Variants in THADA observed in about 807,000 individuals in gnomAD.
THADA encodes the protein tRNA (32-2'-O)-methyltransferase regulator THADA.
THADA carries 213 observed loss-of-function variants against 219.8 expected under a neutral mutation model. That is an observed-to-expected ratio of 0.97 (90% confidence interval 0.87 to 1.09). The LOEUF is 1.09. Ranked by LOEUF, THADA falls within the 50% of genes least tolerant of loss-of-function variation. The pLI is 0.00. For missense variants in THADA, 2,956 were observed against 2,311.3 expected, an observed-to-expected ratio of 1.28 and a Z score of -5.72; for synonymous variants, 1,018 against 828.9, an observed-to-expected ratio of 1.23 and a Z score of -3.92.
intron 29 of THADA, among the ~76,000 whole-genome samples, chr2:43,378,804 C>T (rs1030565593): frequency 6.6e-6 from 1 of 152,126 alleles, no homozygotes; most frequent in Non-Finnish European, 1.5e-5. Context: ...CGGGGTTTCT[C>T]TATGTTGGCC....
intron 28 of THADA, among the ~76,000 whole-genome samples, chr2:43,412,074 T>C (rs1204996783): frequency 6.6e-6 from 1 of 152,188 alleles, no homozygotes; most frequent in African/African-American, 2.4e-5. Context: ...GATGATCAGA[T>C]GATATTTTAT....
chr2:43,299,981 T>C (rs1676060525), intron 31 of THADA, among the ~76,000 whole-genome samples: 1 of 149,432 alleles, frequency 6.7e-6, no homozygotes, highest in African/African-American at 2.5e-5. Flanking sequence ...TGAGCCGAGA[T>C]TGTGCCACTG....
At chr2:43,462,545 G>A (rs943015268) in intron 26 of THADA, among the ~76,000 whole-genome samples, 2 of 152,142 alleles carry the variant, frequency 1.3e-5, no homozygotes, top group Admixed American at 1.3e-4. Context: ...CAGATTCCTA[G>A]AGAAAAGTGA....
At chr2:43,568,127 T>A (rs973357212) in intron 14 of THADA, among the ~76,000 whole-genome samples, 1 of 152,232 alleles carries the variant, frequency 6.6e-6, no homozygotes, top group Non-Finnish European at 1.5e-5. Context: ...ACACAGGTTA[T>A]TGAACTTCAC....
At chr2:43,585,296 G>A (rs2104130324) in intron 7 of THADA, among the ~76,000 whole-genome samples, 1 of 148,030 alleles carries the variant, frequency 6.8e-6, no homozygotes, top group Non-Finnish European at 1.5e-5. Context: ...GATCACTTGA[G>A]CCAATGAGTT....
At chr2:43,502,687 AC>A (rs2105075300) in intron 24 of THADA, among the ~76,000 whole-genome samples, 1 of 152,024 alleles carries the variant, frequency 6.6e-6, no homozygotes, top group African/African-American at 2.4e-5. Context: ...ATCCAAATGT[AC>A]AACCATAAAG....
At chr2:43,250,415 A>G (rs907433078) in intron 36 of THADA, among the ~76,000 whole-genome samples, 24 of 151,274 alleles carry the variant, frequency 1.6e-4, no homozygotes, top group Non-Finnish European at 2.2e-4. Flanking sequence ...GGACTACTTA[A>G]TGGGTACAGG....
chr2:43,500,824 A>G (rs1688857316), intron 24 of THADA, among the ~76,000 whole-genome samples: 1 of 152,210 alleles, frequency 6.6e-6, no homozygotes, highest in South Asian at 2.1e-4. Flanking sequence ...AACAAATCCA[A>G]AAGAATTTAC....
intron 25 of THADA, among the ~76,000 whole-genome samples, chr2:43,497,092 A>G (rs1688358827): frequency 6.6e-6 from 1 of 152,218 alleles, no homozygotes; most frequent in Non-Finnish European, 1.5e-5. Flanking sequence ...GTTGGTGGAA[A>G]TGTAAATTAG....
At chr2:43,329,700 A>G (rs1679736867) in intron 30 of THADA, among the ~76,000 whole-genome samples, 1 of 152,234 alleles carries the variant, frequency 6.6e-6, no homozygotes, top group South Asian at 2.1e-4. Context: ...TCTAGAAAAC[A>G]AATTGTATCT....
In THADA at chr2:43,483,485, C is replaced by A. The variant is rs149794857; in HGVS notation, c.3836+1749G>T. On this transcript the variant is annotated intron_variant, in intron 26 of 37. Transcript: ENST00000405975. ...ACAGAAGCCTTGTACACATAATGGTCCATACCGATCTTCAGATTACTAAAA... is the reference window on the plus strand; with the variant it reads ...ACAGAAGCCTTGTACACATAATGGTACATACCGATCTTCAGATTACTAAAA... 3.0e-3 allele frequency among the ~76,000 whole-genome samples: 451 copies of A among 152,228 alleles called. 4 individuals are homozygous for A. The highest frequency in any genetic ancestry group is 0.01 in the African/African-American group (433 of 41,556).
chr2:43,248,209 A>T (rs112592074), intron 36 of THADA, among the ~76,000 whole-genome samples: 2 of 129,042 alleles, frequency 1.5e-5, no homozygotes, highest in East Asian at 2.5e-4. Context: ...AGAGAGAGAG[A>T]GAGAGACAGA....
At chr2:43,313,591 C>T (rs551120354) in intron 31 of THADA, among the ~76,000 whole-genome samples, 1 of 152,356 alleles carries the variant, frequency 6.6e-6, no homozygotes, top group African/African-American at 2.4e-5. Flanking sequence ...AGCAGTCAAG[C>T]GTGCTCTTTC....
chr2:43,347,405 A>G (rs1478717230), intron 29 of THADA, among the ~76,000 whole-genome samples: 3 of 152,204 alleles, frequency 2.0e-5, no homozygotes, highest in Admixed American at 6.5e-5. Context: ...GACTTTGCAG[A>G]AAGAGTGATA....
chr2:43,481,340 TTTC>T (rs1285749760), intron 26 of THADA, among the ~76,000 whole-genome samples: 4 of 152,218 alleles, frequency 2.6e-5, no homozygotes, highest in Non-Finnish European at 2.9e-5. Flanking sequence ...AGAAACACAT[TTTC>T]TTCTTAAATT....
At chr2:43,376,940 C>A (rs548375279) in intron 29 of THADA, among the ~76,000 whole-genome samples, 1 of 152,116 alleles carries the variant, frequency 6.6e-6, no homozygotes, top group African/African-American at 2.4e-5. Flanking sequence ...GAGTAAGGCA[C>A]GGTCCTCAGC....
intron 36 of THADA, among the ~76,000 whole-genome samples, chr2:43,257,606 A>G (rs1010936992): frequency 3.3e-5 from 5 of 152,210 alleles, no homozygotes. Flanking sequence ...GCATGAGTTC[A>G]TTCCAGATAT....
At position 43,515,037 on chromosome 2, in the gene THADA, TAA is replaced by T. The variant is rs1376949260; in HGVS notation, c.3375-6259_3375-6258del. Among the ~76,000 whole-genome samples the T allele has an allele frequency of 6.7e-4, 25 of 37,582 alleles. No homozygotes were observed. In the South Asian group the frequency reaches 0.018, roughly 27 times the overall value. The allele number at this position is 37,582 out of a possible 152,430, so 24.7% of individuals were successfully genotyped here. A position where few individuals can be genotyped will look rare whatever the true frequency, so the allele number is the denominator to read the frequency against. On this transcript the variant is annotated intron_variant, in intron 22 of 37. Coordinates refer to ENST00000405975, the MANE Select transcript of THADA (RefSeq NM_022065.5). ...TTATATATTTTATATATAATATATATAAATATATATATTTTATATATAATATA... is the reference window on the plus strand; with the variant it reads ...TTATATATTTTATATATAATATATATATATATATATTTTATATATAATATA...
chr2:43,395,161 T>G (rs926501671), intron 29 of THADA, among the ~76,000 whole-genome samples: 1 of 152,172 alleles, frequency 6.6e-6, no homozygotes, highest in Non-Finnish European at 1.5e-5. Context: ...ACCAAACTAC[T>G]TGGATAAAGT....
Sources: gnomAD v4.1 joint callset for allele counts (sites outside exome capture counted in the v4.1 genomes callset) on GRCh38, gnomAD v4.1.1 for gene constraint, MANE v1.5 for transcripts, NCBI Gene and HGNC (gene_info 2026-07-23, HGNC 2026-07-21) for gene names.